ZDHHC15: variants seen among roughly 807,000 people sequenced by gnomAD.
The protein encoded by ZDHHC15 is palmitoyltransferase ZDHHC15.
In ZDHHC15, 19 loss-of-function variants were observed where a neutral mutation model predicts 31.7. The observed-to-expected ratio is 0.60, with a 90% CI of 0.42 to 0.88. The LOEUF is 0.88. ZDHHC15 is among the 40% of genes least tolerant of loss of function. The pLI is 0.00. For missense variants in ZDHHC15, 209 were observed against 251.2 expected, an observed-to-expected ratio of 0.83 and a Z score of 1.14; for synonymous variants, 103 against 90.0, an observed-to-expected ratio of 1.14 and a Z score of -0.82.
intron 9 of ZDHHC15, among the ~76,000 whole-genome samples, chrX:75,418,545 C>T (rs1187280214): frequency 8.9e-6 from 1 of 111,864 alleles, no homozygotes; most frequent in Non-Finnish European, 1.9e-5. Flanking sequence ...TAAGAATGAC[C>T]TACAACCGCA....
intron 2 of ZDHHC15, among the ~76,000 whole-genome samples, chrX:75,491,404 C>T (rs1437371477): frequency 1.0e-5 from 1 of 98,843 alleles, no homozygotes; most frequent in African/African-American, 3.8e-5. Flanking sequence ...CATATTCTCA[C>T]TCATAGGTGG....
At chrX:75,473,795 T>C (rs1310515832) in intron 3 of ZDHHC15, among the ~76,000 whole-genome samples, 4 of 112,076 alleles carry the variant, frequency 3.6e-5, no homozygotes, top group East Asian at 5.6e-4. Flanking sequence ...TGTGCATGTA[T>C]ACACTCGTAC....
intron 4 of ZDHHC15, 126 bp downstream of exon 4, chrX:75,450,676 A>G: frequency 8.5e-7 from 1 of 1,181,856 alleles, no homozygotes; most frequent in Non-Finnish European, 1.1e-6. Context: ...AAATGTGGAG[A>G]AAAATCTCCA....
chrX:75,445,067 C>T (rs2084014737), intron 4 of ZDHHC15, among the ~76,000 whole-genome samples: 1 of 110,732 alleles, frequency 9.0e-6, no homozygotes, highest in Non-Finnish European at 1.9e-5. Flanking sequence ...GTCTCCATCT[C>T]ACTGATGGCA....
intron 2 of ZDHHC15, among the ~76,000 whole-genome samples, chrX:75,487,902 AGAATT>A (rs988793917): frequency 3.6e-5 from 4 of 112,552 alleles, no homozygotes; most frequent in African/African-American, 1.3e-4. Context: ...TTTCAACAAA[AGAATT>A]GAACAAAGAG....
rs188150775 is a variant in ZDHHC15 at position 75,384,384 on chromosome X, T to C, written c.968-5186A>G. 2.2e-3 allele frequency: 2,206 copies of C among 1,007,513 alleles called. 5 individuals are homozygous for C. The highest frequency in any genetic ancestry group is 2.7e-3 in the Non-Finnish European group (1,950 of 721,726). The allele number at this position is 1,007,513 out of a possible 1,213,427, so 83.0% of individuals were successfully genotyped here. Reference sequence around the variant, plus strand: ...AGGGAAAGAGGAGAGGCACCCAATATATGTTCTCTAGGCCTTTTAGAAAAC... The same window carrying C: ...AGGGAAAGAGGAGAGGCACCCAATACATGTTCTCTAGGCCTTTTAGAAAAC... On this transcript the variant is annotated intron_variant, in intron 10 of 11. Coordinates refer to ENST00000373367, the MANE Select transcript of ZDHHC15 (RefSeq NM_144969.3).
chrX:75,386,469 T>C (rs1387750539), intron 10 of ZDHHC15, among the ~76,000 whole-genome samples: 1 of 111,993 alleles, frequency 8.9e-6, no homozygotes, highest in Non-Finnish European at 1.9e-5. Context: ...AAAAGTTCAG[T>C]TCTTTTATTG....
At chrX:75,520,231 AAAAC>A (rs975814026) in intron 1 of ZDHHC15, among the ~76,000 whole-genome samples, 25 of 112,142 alleles carry the variant, frequency 2.2e-4, no homozygotes, top group Admixed American at 2.0e-3. Context: ...TATGTTAACT[AAAAC>A]AAACAAATAA....
chrX:75,443,892 G>A (rs2147892386), intron 4 of ZDHHC15, among the ~76,000 whole-genome samples: 1 of 111,831 alleles, frequency 8.9e-6, no homozygotes, highest in African/African-American at 3.3e-5. Flanking sequence ...GGCCATCAGA[G>A]AAATGCAAAT....
chrX:75,394,165 T>C (rs891629324), intron 10 of ZDHHC15, among the ~76,000 whole-genome samples: 2 of 111,271 alleles, frequency 1.8e-5, no homozygotes, highest in Non-Finnish European at 3.8e-5. Flanking sequence ...CTAACCATCA[T>C]ATGGTTACTG....
At chrX:75,417,978 G>A (rs759308538) in intron 9 of ZDHHC15, among the ~76,000 whole-genome samples, 65 of 112,027 alleles carry the variant, frequency 5.8e-4, no homozygotes, top group African/African-American at 2.0e-3. Context: ...AGATTTTATT[G>A]ATAGCACTCT....
intron 3 of ZDHHC15, among the ~76,000 whole-genome samples, chrX:75,464,594 T>A (rs1016109209): frequency 2.7e-4 from 30 of 111,440 alleles, no homozygotes; most frequent in African/African-American, 9.8e-4. Context: ...TCCAGCAGCA[T>A]ATCAAAAAGC....
At chrX:75,377,828 T>C (rs1490455046) in intron 11 of ZDHHC15, among the ~76,000 whole-genome samples, 1 of 111,618 alleles carries the variant, frequency 9.0e-6, no homozygotes, top group Non-Finnish European at 1.9e-5. Context: ...ATTCCTACAC[T>C]AAAGCCAACT....
rs1401077164 is a variant in ZDHHC15 at position 75,372,203 on chromosome X, G to A, written c.*775C>T. The stretch of plus-strand genomic sequence containing the variant: ...AATTTTACTGCACCCTGACAAAAAA[G>A]TCTTTAAAAAACACTGGTTATTATG... On this transcript the variant is annotated 3_prime_UTR_variant, in exon 12 of 12. Transcript: ENST00000373367. 1 of 111,871 alleles carries A rather than the reference G, an allele frequency of 8.9e-6. No homozygotes were observed. Among genetic ancestry groups the A allele is most frequent in the Non-Finnish European group, 1.9e-5 (1 of 53,140 alleles). The allele number at this position is 111,871 out of a possible 1,213,427, so 9.2% of individuals were successfully genotyped here.
chrX:75,504,215 T>C (rs1569367288), intron 2 of ZDHHC15, among the ~76,000 whole-genome samples: 1 of 111,342 alleles, frequency 9.0e-6, no homozygotes, highest in African/African-American at 3.3e-5. Context: ...TGGGAAAACT[T>C]TTGCAGTATG....
At chrX:75,428,990 AT>A in intron 7 of ZDHHC15, 87 bp downstream of exon 7, 3 of 1,127,960 alleles carry the variant, frequency 2.7e-6, no homozygotes, top group Non-Finnish European at 3.6e-6. Flanking sequence ...CTATTTAAAA[AT>A]GTAAAAAGAT....
chrX:75,441,770 C>T (rs2083944975), intron 4 of ZDHHC15, among the ~76,000 whole-genome samples: 1 of 109,678 alleles, frequency 9.1e-6, no homozygotes, highest in East Asian at 2.9e-4. Context: ...ATTACAGGCA[C>T]CCGCCACTGC....
intron 1 of ZDHHC15, among the ~76,000 whole-genome samples, chrX:75,508,342 G>A (rs763530026): frequency 3.6e-5 from 3 of 82,496 alleles, no homozygotes; most frequent in Non-Finnish European, 6.6e-5. Flanking sequence ...TTCCCTTCCT[G>A]TGTCCAAGTG....
At chrX:75,383,725 GA>G (rs1352127563) in intron 10 of ZDHHC15, among the ~76,000 whole-genome samples, 1 of 85,463 alleles carries the variant, frequency 1.2e-5, no homozygotes, top group Non-Finnish European at 2.3e-5. Flanking sequence ...CCAAATTTAA[GA>G]AATGTTAGGT....
Sources: gnomAD v4.1 joint callset for allele counts (sites outside exome capture counted in the v4.1 genomes callset) on GRCh38, gnomAD v4.1.1 for gene constraint, MANE v1.5 for transcripts, NCBI Gene and HGNC (gene_info 2026-07-23, HGNC 2026-07-21) for gene names.